The following UPK1B variants were observed in gnomAD, a reference collection of about 807,000 sequenced individuals.
The protein encoded by UPK1B is uroplakin-1b.
UPK1B carries 28 observed loss-of-function variants against 34.2 expected under a neutral mutation model. The ratio of observed to expected loss-of-function variants is 0.82; its 90% CI spans 0.61 to 1.12. The LOEUF is 1.12. UPK1B is among the 50% of genes most tolerant of loss of function. The pLI is 0.00. For missense variants in UPK1B, 325 were observed against 320.9 expected (o/e 1.01, Z -0.10); for synonymous variants, 81 against 110.4 (o/e 0.73, Z 1.67).
chr3:119,177,386 C>T (rs2077961819), intron 1 of UPK1B, among the ~76,000 whole-genome samples: 1 of 152,192 alleles, frequency 6.6e-6, no homozygotes, highest in Non-Finnish European at 1.5e-5. Context: ...CCATAGAAGG[C>T]TGGGTTAAGA....
intron 1 of UPK1B, among the ~76,000 whole-genome samples, chr3:119,178,997 T>C (rs1185120691): frequency 6.6e-6 from 1 of 152,092 alleles, no homozygotes; most frequent in African/African-American, 2.4e-5. Context: ...ATTGGGATGG[T>C]GTGTTACTCA....
chr3:119,177,013 T>C (rs1654464039), intron 1 of UPK1B, among the ~76,000 whole-genome samples: 1 of 152,184 alleles, frequency 6.6e-6, no homozygotes, highest in Non-Finnish European at 1.5e-5. Context: ...GTGTCTTCCC[T>C]CGCCCTTTGA....
rs71297415 is a variant in UPK1B, at chr3:119,179,507, C to CTTT, written c.-29+5887_-29+5889dup. On this transcript the variant is annotated intron_variant, in intron 1 of 7. Transcript: ENST00000264234. ...TTTGGGGAAGAGTTGATGTTGCAGT[C>CTTT]TTTTTTTTTTTTTTTTTTTTGAGAC... is the stretch of plus-strand genomic sequence containing the variant. Among the ~76,000 whole-genome samples the CTTT allele has an allele frequency of 2.5e-4, 13 of 52,254 alleles. 4 individuals carry two copies. Among genetic ancestry groups the CTTT allele is most frequent in the East Asian group, 1.4e-3 (2 of 1,434 alleles). The allele number at this position is 52,254 out of a possible 152,430, so 34.3% of individuals were successfully genotyped here. A position where few individuals can be genotyped will look rare whatever the true frequency, so the allele number is the denominator to read the frequency against.
intron 6 of UPK1B, among the ~76,000 whole-genome samples, chr3:119,197,987 T>C (rs2078074100): frequency 6.6e-6 from 1 of 152,144 alleles, no homozygotes; most frequent in African/African-American, 2.4e-5. Context: ...GGCCCAGCTT[T>C]TTGAAGGAGC....
chr3:119,182,301 A>G (rs2077993182), intron 1 of UPK1B, among the ~76,000 whole-genome samples: 1 of 152,204 alleles, frequency 6.6e-6, no homozygotes, highest in Non-Finnish European at 1.5e-5. Context: ...CCTCAATCTA[A>G]GAGCCCTTGG....
intron 5 of UPK1B, 92 bp downstream of exon 5, chr3:119,191,196 T>C: frequency 7.0e-7 from 1 of 1,421,806 alleles, no homozygotes; most frequent in Non-Finnish European, 9.5e-7. Context: ...ATATTTTATT[T>C]CAAGCCATGA....
intron 1 of UPK1B, among the ~76,000 whole-genome samples, chr3:119,179,400 A>ATATAC (rs71297416): frequency 5.0e-5 from 1 of 20,074 alleles, no homozygotes; most frequent in Non-Finnish European, 1.5e-4. Flanking sequence ...TATATATATT[A>ATATAC]ATTCTAAGGA....
chr3:119,179,377 ATATATATATATATATATATAT>A (rs1249272874), intron 1 of UPK1B, among the ~76,000 whole-genome samples: 2 of 84,018 alleles, frequency 2.4e-5, no homozygotes, highest in Non-Finnish European at 5.1e-5. Flanking sequence ...ATATATATAT[ATATATATATATATATATATAT>A]TAATTCTAAG....
chr3:119,183,073 G>C (rs781123016), intron 1 of UPK1B, among the ~76,000 whole-genome samples: 11 of 152,120 alleles, frequency 7.2e-5, no homozygotes, highest in Non-Finnish European at 1.5e-4. Flanking sequence ...TCCTGAGCAG[G>C]GAAATGTGTC....
intron 4 of UPK1B, 137 bp from the exon 5 acceptor site, chr3:119,190,845 A>T: frequency 8.1e-7 from 1 of 1,227,898 alleles, no homozygotes; most frequent in Non-Finnish European, 1.1e-6. Context: ...AGCCAGCTGT[A>T]CTTGGTGCCT....
At chr3:119,184,172 A>G (rs1240138949) in intron 1 of UPK1B, among the ~76,000 whole-genome samples, 3 of 152,140 alleles carry the variant, frequency 2.0e-5, no homozygotes, top group Non-Finnish European at 4.4e-5. Flanking sequence ...TGACTCCTGC[A>G]ATTCTCCCAT....
At chr3:119,184,881 C>T (rs770369175) in intron 1 of UPK1B, among the ~76,000 whole-genome samples, 4 of 152,170 alleles carry the variant, frequency 2.6e-5, no homozygotes, top group Admixed American at 6.5e-5. Flanking sequence ...TGAACTCCTA[C>T]GTTTCACAGT....
At chr3:119,182,196 G>A (rs4318547) in intron 1 of UPK1B, among the ~76,000 whole-genome samples, 101,902 of 152,106 alleles carry the variant, frequency 0.67, 35,098 homozygotes, top group East Asian at 0.84. Context: ...ATAAAAAGAA[G>A]TACAAATGGG....
chr3:119,194,095 T>C (rs2078055873), intron 5 of UPK1B, 124 bp from the exon 6 acceptor site: 7 of 945,616 alleles, frequency 7.4e-6, no homozygotes, highest in Non-Finnish European at 7.6e-6. Context: ...TTTGGGGATT[T>C]CTTAGTAAAT....
At chr3:119,183,498 G>T (rs2077999148) in intron 1 of UPK1B, among the ~76,000 whole-genome samples, 1 of 152,116 alleles carries the variant, frequency 6.6e-6, no homozygotes, top group African/African-American at 2.4e-5. Context: ...CTCACCTCAG[G>T]TGATCTGCCC....
intron 3 of UPK1B, 94 bp from the exon 4 acceptor site, chr3:119,190,151 A>G (rs2078037329): frequency 1.0e-6 from 1 of 961,664 alleles, no homozygotes; most frequent in Non-Finnish European, 1.6e-6. Flanking sequence ...TTACATGATT[A>G]TATGATAAAT....
At position 119,187,785 on chromosome 3, in the gene UPK1B, T is replaced by C. The variant is rs767792533; in HGVS notation, c.80T>C (p.Ile27Thr). 1.9e-6 allele frequency: 3 copies of C among 1,609,892 alleles called. No homozygotes were observed. Among genetic ancestry groups the C allele is most frequent in the East Asian group, 4.5e-5 (2 of 44,594 alleles). ...TTCATTTGCCCCCAGTGTTGCGGCA[T>C]TGCCCTGACTGCGGAGTGCATCTTC... ...FGNVIIGCCG[I>T]ALTAECIFFV... Residue 27 changes from isoleucine (I) to threonine (T), a missense_variant, in exon 3 of 8, where the codon ATT (isoleucine) becomes ACT (threonine). Ile to Thr is a moderately conservative substitution (Grantham distance 89). Coordinates refer to ENST00000264234, the MANE Select transcript of UPK1B (RefSeq NM_006952.4).
intron 1 of UPK1B, among the ~76,000 whole-genome samples, chr3:119,174,467 A>T (rs1397360720): frequency 6.6e-6 from 1 of 152,212 alleles, no homozygotes; most frequent in Non-Finnish European, 1.5e-5. Context: ...GCCATTTAAG[A>T]ATTCGTAGCC....
Position 119,187,772 on chromosome 3 carries a change from C to G in UPK1B, c.70-3C>G, listed in dbSNP as rs536332285. The G allele has an allele frequency of 1.2e-6, 2 of 1,613,754 alleles. No homozygotes were observed. Among genetic ancestry groups the G allele is most frequent in the East Asian group, 2.2e-5 (1 of 44,868 alleles). On this transcript the variant is annotated splice_polypyrimidine_tract_variant and splice_region_variant and intron_variant, in intron 2 of 7. Transcript: ENST00000264234. ...ATGGAGCCCACCTTTCATTTGCCCC[C>G]AGTGTTGCGGCATTGCCCTGACTGC...
Sources: allele counts gnomAD v4.1 joint callset (sites outside exome capture counted in the v4.1 genomes callset), GRCh38; gene constraint gnomAD v4.1.1; transcripts MANE v1.5; gene names NCBI Gene and HGNC (gene_info 2026-07-23, HGNC 2026-07-21).